Variants in CTIF observed in about 807,000 individuals in gnomAD.
CTIF encodes cap binding complex dependent translation initiation factor, also known as CBP80/20-dependent translation initiation factor.
CTIF carries 21 observed loss-of-function variants against 66.0 expected under a neutral mutation model. That is an observed-to-expected ratio of 0.32 (90% CI 0.23 to 0.46). CTIF has a LOEUF of 0.46. Ranked by LOEUF, CTIF falls within the 20% of genes least tolerant of loss-of-function variation. The probability of loss-of-function intolerance (pLI) is 1.00; values close to 1 mark genes in which losing one functional copy is unlikely to be tolerated. For missense variants in CTIF, 739 were observed against 812.7 expected (o/e 0.91, Z 1.10); for synonymous variants, 345 against 326.4 (o/e 1.06, Z -0.62).
chr18:48,827,354 A>G (rs1599118794), intron 10 of CTIF, among the ~76,000 whole-genome samples: 1 of 152,206 alleles, frequency 6.6e-6, no homozygotes, highest in Non-Finnish European at 1.5e-5. Context: ...AGAGGAGCCC[A>G]CGGGTAACTC....
At chr18:48,626,641 G>A (rs1250350526) in intron 2 of CTIF, among the ~76,000 whole-genome samples, 3 of 145,566 alleles carry the variant, frequency 2.1e-5, no homozygotes, top group Admixed American at 6.8e-5. Context: ...CACCGCACCT[G>A]GCCGTTTTTT....
At chr18:48,541,367 A>T (rs1399357344) in intron 1 of CTIF, among the ~76,000 whole-genome samples, 1 of 151,826 alleles carries the variant, frequency 6.6e-6, no homozygotes, top group African/African-American at 2.4e-5. Flanking sequence ...GGCGAAAGTG[A>T]CACAGCGCGA....
intron 1 of CTIF, among the ~76,000 whole-genome samples, chr18:48,568,993 T>C (rs995097053): frequency 6.6e-6 from 1 of 152,154 alleles, no homozygotes; most frequent in African/African-American, 2.4e-5. Flanking sequence ...CTGAGGCCTC[T>C]CTCCTTGGCC....
intron 7 of CTIF, among the ~76,000 whole-genome samples, chr18:48,718,501 G>A (rs1002597412): frequency 4.6e-5 from 7 of 152,184 alleles, no homozygotes; most frequent in Non-Finnish European, 7.3e-5. Context: ...GGTTCCCAGC[G>A]TGACCGTAAG....
chr18:48,716,225 G>A (rs1181052136), intron 7 of CTIF, among the ~76,000 whole-genome samples: 1 of 152,206 alleles, frequency 6.6e-6, no homozygotes, highest in Non-Finnish European at 1.5e-5. Context: ...TGTGGCCCCT[G>A]CTCTCGAGGG....
chr18:48,760,722 G>A (rs888755811), intron 8 of CTIF: 3 of 152,176 alleles, frequency 2.0e-5, no homozygotes, highest in African/African-American at 7.2e-5. Flanking sequence ...AATCTCATAA[G>A]GCTGTAGGGC....
At chr18:48,625,828 T>C (rs1411459260) in intron 2 of CTIF, among the ~76,000 whole-genome samples, 2 of 152,202 alleles carry the variant, frequency 1.3e-5, no homozygotes, top group Non-Finnish European at 2.9e-5. Flanking sequence ...CTGTTGAACA[T>C]GCCTCCTTCT....
chr18:48,646,901 CAAA>C lies in CTIF; in HGVS notation c.252+10238_252+10240del, dbSNP rs35904615. Reference sequence around the variant, plus strand: ...ATTCTGGAAAACAGTTTGGCAGTTTCAAAAAAAAAAAAAAAAAAAAAAAACGAA... The same window carrying C: ...ATTCTGGAAAACAGTTTGGCAGTTTCAAAAAAAAAAAAAAAAAAAAACGAA... On this transcript the variant is annotated intron_variant, in intron 3 of 11. Transcript: ENST00000256413. 5.4e-3 allele frequency among the ~76,000 whole-genome samples: 422 copies of C among 78,006 alleles called. 1 individual carries two copies. Among genetic ancestry groups the C allele is most frequent in the African/African-American group, 0.018 (351 of 19,970 alleles). The allele number at this position is 78,006 out of a possible 152,430, so 51.2% of individuals were successfully genotyped here.
rs2145425715 is a variant in CTIF at position 48,539,070 on chromosome 18, C to A, written c.-271C>A. ...TCTTTCCCTGTGTCAGATCAGGGAT[C>A]ATTTTTTTTCCTTCCTCTACTCCCT... On this transcript the variant is annotated 5_prime_UTR_variant, in exon 1 of 12. Transcript: ENST00000256413. The A allele has an allele frequency of 6.6e-6, 1 of 152,414 alleles. No individual in the cohort carries two copies. The highest frequency in any genetic ancestry group is 2.4e-5 in the African/African-American group (1 of 41,570). 9.4% of individuals were successfully genotyped at this position (152,414 alleles called of 1,614,324 possible). A position where few individuals can be genotyped will look rare whatever the true frequency, so the allele number is the denominator to read the frequency against.
At chr18:48,670,257 G>A (rs976930504) in intron 5 of CTIF, among the ~76,000 whole-genome samples, 6 of 152,168 alleles carry the variant, frequency 3.9e-5, no homozygotes, top group South Asian at 2.1e-4. Flanking sequence ...CAAAAAGGAA[G>A]GAAGCCCTAT....
chr18:48,737,520 A>G (rs934507768), intron 7 of CTIF, among the ~76,000 whole-genome samples: 2 of 152,254 alleles, frequency 1.3e-5, no homozygotes, highest in Admixed American at 6.5e-5. Flanking sequence ...GGAACAGGCA[A>G]TTTTTAGAAA....
At chr18:48,675,445 G>A (rs1019424826) in intron 6 of CTIF, among the ~76,000 whole-genome samples, 4 of 152,184 alleles carry the variant, frequency 2.6e-5, no homozygotes, top group Admixed American at 6.5e-5. Flanking sequence ...CACTCTGCAG[G>A]CTCCAGCCTG....
At chr18:48,808,306 A>T (rs1280601113) in intron 9 of CTIF, among the ~76,000 whole-genome samples, 1 of 152,162 alleles carries the variant, frequency 6.6e-6, no homozygotes, top group East Asian at 1.9e-4. Flanking sequence ...CCATTTGTTC[A>T]TGAGGGATTT....
chr18:48,795,612 G>A lies in CTIF; in HGVS notation c.1372-21609G>A, dbSNP rs563331562. Among the ~76,000 whole-genome samples the A allele has an allele frequency of 3.3e-4, 51 of 152,296 alleles. No homozygotes were observed. The South Asian group carries it at 4.6e-3, about 14-fold the overall frequency. On this transcript the variant is annotated intron_variant, in intron 9 of 11. Transcript: ENST00000256413. ...CCTGCATCCCCAGGCTCTTTCAGAT[G>A]GGTAGTCCTATTTTCCCAGGAGCTC...
chr18:48,693,897 C>A (rs540672911), intron 6 of CTIF, among the ~76,000 whole-genome samples: 1 of 152,252 alleles, frequency 6.6e-6, no homozygotes, highest in South Asian at 2.1e-4. Context: ...TGACTCTTTA[C>A]AGGAAATCTG....
At chr18:48,547,336 C>G (rs181724507) in intron 1 of CTIF, among the ~76,000 whole-genome samples, 1 of 152,166 alleles carries the variant, frequency 6.6e-6, no homozygotes, top group Non-Finnish European at 1.5e-5. Context: ...TTTCCAGGGT[C>G]CCCTTAAGGG....
intron 9 of CTIF, among the ~76,000 whole-genome samples, chr18:48,765,565 C>A (rs979608466): frequency 6.6e-6 from 1 of 152,268 alleles, no homozygotes; most frequent in African/African-American, 2.4e-5. Flanking sequence ...GGGGCAACCG[C>A]AGATGTGGTA....
At chr18:48,773,891 C>T (rs1910409295) in intron 9 of CTIF, among the ~76,000 whole-genome samples, 1 of 152,144 alleles carries the variant, frequency 6.6e-6, no homozygotes, top group Non-Finnish European at 1.5e-5. Context: ...GAGGAGATGA[C>T]AGGACAACTC....
rs200054717 is a variant in CTIF at position 48,670,697 on chromosome 18, G to A, written c.460G>A (p.Asp154Asn). 3.7e-6 allele frequency: 6 copies of A among 1,614,040 alleles called. No homozygotes were observed. The South Asian group carries it at 4.4e-5, about 12-fold the overall frequency. ...TGGCAAAGGGAAGCTGGAAGATGGGGATGGCATCAACCTGAATGACATCGA... is the reference window on the plus strand; with the variant it reads ...TGGCAAAGGGAAGCTGGAAGATGGGAATGGCATCAACCTGAATGACATCGA... Reference protein sequence around the residue: ...GCGKGKLEDGDGINLNDIEKV... With the variant: ...GCGKGKLEDGNGINLNDIEKV... The change falls in exon 6 of 12, where the codon GAT becomes AAT. Residue 154 changes from aspartate to asparagine, a missense_variant. Physicochemically the swap from Asp to Asn is conservative, Grantham distance 23 (BLOSUM62 1). Transcript: ENST00000256413.
Sources: gnomAD v4.1 joint callset for allele counts (sites outside exome capture counted in the v4.1 genomes callset) on GRCh38, gnomAD v4.1.1 for gene constraint, MANE v1.5 for transcripts, NCBI Gene and HGNC (gene_info 2026-07-23, HGNC 2026-07-21) for gene names.